Variants in GABRG3 observed in about 807,000 individuals in gnomAD.
The protein encoded by GABRG3 is gamma-aminobutyric acid receptor subunit gamma-3.
In GABRG3, 25 loss-of-function variants were observed where a neutral mutation model predicts 48.8. The observed-to-expected ratio is 0.51, with a 90% confidence interval of 0.37 to 0.72. GABRG3 has a LOEUF of 0.72. Among genes scored for constraint, GABRG3 ranks in the 30% least tolerant of loss-of-function variants. The pLI is 0.00. For synonymous variants in GABRG3, 227 were observed against 217.6 expected, an observed-to-expected ratio of 1.04 and a Z score of -0.38; for missense variants, 394 against 577.9, an observed-to-expected ratio of 0.68 and a Z score of 3.26.
chr15:27,368,473 A>G (rs1895285444), intron 5 of GABRG3, among the ~76,000 whole-genome samples: 1 of 152,256 alleles, frequency 6.6e-6, no homozygotes, highest in Non-Finnish European at 1.5e-5. Flanking sequence ...CTGTAAAGTT[A>G]TTGCATAGCA....
At chr15:26,972,060 A>T (rs1472800740) in intron 1 of GABRG3, among the ~76,000 whole-genome samples, 1 of 151,716 alleles carries the variant, frequency 6.6e-6, no homozygotes, top group African/African-American at 2.4e-5. Context: ...GAGCTAATGC[A>T]TTGGAGGCAG....
intron 3 of GABRG3, among the ~76,000 whole-genome samples, chr15:27,261,715 T>A (rs1037786597): frequency 1.3e-5 from 2 of 152,066 alleles, no homozygotes; most frequent in African/African-American, 2.4e-5. Flanking sequence ...ATATAAACCT[T>A]CCCTGGCGTA....
chr15:27,064,432 C>T (rs1442391349), intron 3 of GABRG3, among the ~76,000 whole-genome samples: 1 of 152,054 alleles, frequency 6.6e-6, no homozygotes, highest in Admixed American at 6.6e-5. Context: ...TGAATCTCAC[C>T]CGTTCTCAGG....
At chr15:27,007,206 A>G (rs1011346155) in intron 2 of GABRG3, among the ~76,000 whole-genome samples, 2 of 151,334 alleles carry the variant, frequency 1.3e-5, no homozygotes, top group South Asian at 4.2e-4. Flanking sequence ...CAGCCTCTTG[A>G]GTAGTTGGGA....
chr15:27,530,761 C>A, intron 9 of GABRG3: 1 of 470,112 alleles, frequency 2.1e-6, no homozygotes. Context: ...GGCCAGACTT[C>A]TCCTCTGTGT....
In GABRG3 at chr15:27,471,573, C is replaced by T. The variant is rs538183456; in HGVS notation, c.575-9077C>T. ...TAGCCCATGCTCAGGTGAACACAGGCAGCTTGGAGGTTAAAGGCAAGGTGG... is the reference window on the plus strand; with the variant it reads ...TAGCCCATGCTCAGGTGAACACAGGTAGCTTGGAGGTTAAAGGCAAGGTGG... On this transcript the variant is annotated intron_variant, in intron 5 of 9. Coordinates refer to ENST00000615808, the MANE Select transcript of GABRG3 (RefSeq NM_033223.5). Among the ~76,000 whole-genome samples, 21 of 152,294 alleles carry T rather than the reference C, an allele frequency of 1.4e-4. No individual in the cohort carries two copies. In the South Asian group the frequency reaches 4.3e-3, roughly 32 times the overall value.
chr15:27,248,831 G>GAGAGAA (rs1555412455), intron 3 of GABRG3, among the ~76,000 whole-genome samples: 5,910 of 127,560 alleles, frequency 0.046, 172 homozygotes, highest in East Asian at 0.073. Context: ...GAGAGAGAGA[G>GAGAGAA]AGAGACAGAG....
intron 3 of GABRG3, among the ~76,000 whole-genome samples, chr15:27,140,394 C>G (rs959234767): frequency 4.6e-5 from 7 of 152,130 alleles, no homozygotes; most frequent in East Asian, 1.9e-4. Flanking sequence ...CGTTTGGGCA[C>G]AGAAGTCTTC....
At chr15:27,139,676 T>C (rs1259362116) in intron 3 of GABRG3, among the ~76,000 whole-genome samples, 1 of 152,196 alleles carries the variant, frequency 6.6e-6, no homozygotes, top group Non-Finnish European at 1.5e-5. Flanking sequence ...AAAACATATA[T>C]TTGGTCTGTG....
chr15:27,435,205 ATAAT>A, intron 5 of GABRG3, among the ~76,000 whole-genome samples: 1 of 148,974 alleles, frequency 6.7e-6, no homozygotes, highest in Non-Finnish European at 1.5e-5. Flanking sequence ...TATTTTATAT[ATAAT>A]TATATAAATT....
chr15:27,215,215 G>C (rs1333227622), intron 3 of GABRG3, among the ~76,000 whole-genome samples: 2 of 152,212 alleles, frequency 1.3e-5, no homozygotes, highest in Non-Finnish European at 2.9e-5. Context: ...GAAGGAGGAA[G>C]AGGAGTCAGG....
At chr15:27,109,567 A>G (rs995860483) in intron 3 of GABRG3, among the ~76,000 whole-genome samples, 14 of 152,138 alleles carry the variant, frequency 9.2e-5, no homozygotes, top group African/African-American at 3.4e-4. Flanking sequence ...ACTTTTAAAT[A>G]CTCAGAGTTG....
At chr15:27,509,250 C>A (rs901477893) in intron 6 of GABRG3, among the ~76,000 whole-genome samples, 6 of 151,986 alleles carry the variant, frequency 3.9e-5, no homozygotes, top group Non-Finnish European at 7.4e-5. Context: ...CTTTTTTTCC[C>A]TTGGCTGCTT....
At chr15:27,243,899 G>C (rs1035895885) in intron 3 of GABRG3, among the ~76,000 whole-genome samples, 5 of 152,082 alleles carry the variant, frequency 3.3e-5, no homozygotes, top group Admixed American at 3.3e-4. Context: ...GTTTCTACTT[G>C]TTTATTTGTT....
chr15:27,049,765 A>C (rs1896424969), intron 3 of GABRG3, among the ~76,000 whole-genome samples: 1 of 152,252 alleles, frequency 6.6e-6, no homozygotes, highest in African/African-American at 2.4e-5. Flanking sequence ...AGAAAGGATG[A>C]GTGATGCGTG....
At chr15:27,215,883 G>C (rs1349139097) in intron 3 of GABRG3, among the ~76,000 whole-genome samples, 1 of 152,178 alleles carries the variant, frequency 6.6e-6, no homozygotes, top group African/African-American at 2.4e-5. Flanking sequence ...GTGAATATGT[G>C]CGTGTTGTTA....
chr15:27,193,615 T>C (rs953071450), intron 3 of GABRG3, among the ~76,000 whole-genome samples: 59 of 152,222 alleles, frequency 3.9e-4, no homozygotes, highest in African/African-American at 1.2e-3. Context: ...TTCCAGGTGC[T>C]GTCTGTCACC....
rs148435649 is a variant in GABRG3, at chr15:27,331,548, G to A, written c.574+2660G>A. 5.4e-3 allele frequency among the ~76,000 whole-genome samples: 827 copies of A among 152,296 alleles called. 5 individuals carry two copies. The highest frequency in any genetic ancestry group is 0.019 in the African/African-American group (795 of 41,562). ...GATATTCTGGAAAAGGCAAAACTGC[G>A]GAAACAATAGAAAGGTCAGTGGTTG... On this transcript the variant is annotated intron_variant, in intron 5 of 9. Coordinates refer to ENST00000615808, the MANE Select transcript of GABRG3 (RefSeq NM_033223.5).
Position 27,352,621 on chromosome 15 carries a change from C to G in GABRG3, c.574+23733C>G, listed in dbSNP as rs564656834. On this transcript the variant is annotated intron_variant, in intron 5 of 9. Transcript: ENST00000615808. This position sits in a 1 kb window ranked among gnomAD's most constrained non-coding sequence, Gnocchi z 4.0. ...GCGCTCACACCACCCCACACTGCCC[C>G]GGGGAGGCAGGCCAAGGAAGCCCCC... Among the ~76,000 whole-genome samples, 2 of 152,038 alleles carry G rather than the reference C, an allele frequency of 1.3e-5. No homozygotes were observed. The highest frequency in any genetic ancestry group is 2.4e-5 in the African/African-American group (1 of 41,360).
Sources: gnomAD v4.1 joint callset for allele counts (sites outside exome capture counted in the v4.1 genomes callset) on GRCh38, gnomAD v4.1.1 for gene constraint, Gnocchi (gnomAD v3.1) non-coding constraint, MANE v1.5 for transcripts, NCBI Gene and HGNC (gene_info 2026-07-23, HGNC 2026-07-21) for gene names.